The following SLC4A10 variants were observed in gnomAD, a reference collection of about 807,000 sequenced individuals.
SLC4A10 encodes the protein sodium-driven chloride bicarbonate exchanger.
SLC4A10 carries 42 observed loss-of-function variants against 137.7 expected under a neutral mutation model. The observed-to-expected ratio is 0.30, with a 90% CI of 0.24 to 0.39. SLC4A10 has a LOEUF of 0.39. Ranked by LOEUF, SLC4A10 falls within the 10% of genes least tolerant of loss-of-function variation. The pLI is 1.00. For missense variants in SLC4A10, 925 were observed against 1,355.0 expected (o/e 0.68, Z 4.98); for synonymous variants, 474 against 464.1 (o/e 1.02, Z -0.27).
intron 3 of SLC4A10, among the ~76,000 whole-genome samples, chr2:161,818,265 G>A (rs142047865): frequency 0.012 from 1,797 of 152,222 alleles, 43 homozygotes; most frequent in African/African-American, 0.042. Flanking sequence ...GTTCATTCAT[G>A]ATTTGGCTCT....
chr2:161,886,809 T>C (rs1006569226), intron 10 of SLC4A10, among the ~76,000 whole-genome samples: 13 of 152,136 alleles, frequency 8.5e-5, no homozygotes, highest in Non-Finnish European at 1.8e-4. Context: ...TTTTTTTGTA[T>C]ACTTTAAGTT....
intron 1 of SLC4A10, among the ~76,000 whole-genome samples, chr2:161,741,564 A>C (rs928207137): frequency 6.6e-6 from 1 of 152,146 alleles, no homozygotes; most frequent in Non-Finnish European, 1.5e-5. Context: ...AAGATTCTAC[A>C]TTTAAGTGTA....
intron 1 of SLC4A10, among the ~76,000 whole-genome samples, chr2:161,760,416 A>C (rs2050138552): frequency 6.6e-6 from 1 of 152,030 alleles, no homozygotes; most frequent in Admixed American, 6.6e-5. Context: ...CTACTTTTTT[A>C]CATCAGGATT....
At chr2:161,887,254 G>A (rs1207459094) in intron 10 of SLC4A10, among the ~76,000 whole-genome samples, 9 of 151,914 alleles carry the variant, frequency 5.9e-5, no homozygotes, top group African/African-American at 9.7e-5. Flanking sequence ...ATAAATATAC[G>A]CAGTAGTACG....
At chr2:161,808,124 G>C (rs1263048236) in intron 3 of SLC4A10, among the ~76,000 whole-genome samples, 1 of 151,382 alleles carries the variant, frequency 6.6e-6, no homozygotes, top group Non-Finnish European at 1.5e-5. Flanking sequence ...TGCTTTTCTT[G>C]GTTGATATTT....
chr2:161,901,206 C>T (rs748419240), intron 12 of SLC4A10, 195 bp downstream of exon 12: 46 of 543,388 alleles, frequency 8.5e-5, no homozygotes, highest in South Asian at 1.1e-4. Flanking sequence ...ACAGTGGATA[C>T]ACCCTTCCAT....
chr2:161,767,176 ATATGTGTGTG>A (rs1425756926), intron 1 of SLC4A10, among the ~76,000 whole-genome samples: 11 of 30,508 alleles, frequency 3.6e-4, no homozygotes, highest in East Asian at 9.9e-4. Flanking sequence ...TTATTTATAT[ATATGTGTGTG>A]TGTGTGTGTG....
chr2:161,715,794 A>G (rs1401920916), intron 1 of SLC4A10, among the ~76,000 whole-genome samples: 2 of 152,072 alleles, frequency 1.3e-5, no homozygotes, highest in Non-Finnish European at 2.9e-5. Flanking sequence ...TAGTGCTGCA[A>G]TGAATATACG....
chr2:161,784,206 G>A lies in SLC4A10; in HGVS notation c.130+13152G>A, dbSNP rs531301140. On this transcript the variant is annotated intron_variant, in intron 2 of 26. Coordinates refer to ENST00000446997, the MANE Select transcript of SLC4A10 (RefSeq NM_001178015.2). ...ATATATAACAATTGTAAGTAGTTAT[G>A]CACCCAACAATTAAGCACCTAAACA... is the stretch of plus-strand genomic sequence containing the variant. Among the ~76,000 whole-genome samples, 34 of 151,920 alleles carry A rather than the reference G, an allele frequency of 2.2e-4. 2 individuals are homozygous for A. The South Asian group carries it at 5.8e-3, about 26-fold the overall frequency.
chr2:161,972,456 C>G (rs186420077), intron 23 of SLC4A10, among the ~76,000 whole-genome samples: 1 of 152,156 alleles, frequency 6.6e-6, no homozygotes, highest in Non-Finnish European at 1.5e-5. Context: ...TGCTAAAATG[C>G]TTGAATGAGT....
chr2:161,802,009 A>G (rs774741611), intron 2 of SLC4A10, among the ~76,000 whole-genome samples: 21 of 152,198 alleles, frequency 1.4e-4, no homozygotes, highest in Admixed American at 2.6e-4. Flanking sequence ...CCAGACACAT[A>G]TATGTATTAA....
intron 4 of SLC4A10, among the ~76,000 whole-genome samples, chr2:161,852,595 C>T (rs1388042123): frequency 2.0e-5 from 3 of 152,090 alleles, no homozygotes; most frequent in Non-Finnish European, 4.4e-5. Context: ...GAACAAAGAA[C>T]ATTTTGCAAC....
At chr2:161,700,992 T>A (rs911487629) in intron 1 of SLC4A10, among the ~76,000 whole-genome samples, 1 of 152,106 alleles carries the variant, frequency 6.6e-6, no homozygotes, top group African/African-American at 2.4e-5. Context: ...GTAGCAAAAA[T>A]ATATTCAGCA....
chr2:161,739,830 A>G (rs543552544), intron 1 of SLC4A10, among the ~76,000 whole-genome samples: 17 of 152,190 alleles, frequency 1.1e-4, no homozygotes, highest in Admixed American at 7.2e-4. Flanking sequence ...CATTTCATGG[A>G]CTCAGGTGGC....
At chr2:161,778,908 T>G (rs1223384857) in intron 2 of SLC4A10, among the ~76,000 whole-genome samples, 2 of 151,988 alleles carry the variant, frequency 1.3e-5, no homozygotes, top group Non-Finnish European at 2.9e-5. Flanking sequence ...GTTTATTTCC[T>G]TTTGGGGCCA....
At chr2:161,637,227 T>TC (rs1263674145) in intron 1 of SLC4A10, among the ~76,000 whole-genome samples, 1 of 151,072 alleles carries the variant, frequency 6.6e-6, no homozygotes, top group African/African-American at 2.4e-5. Flanking sequence ...AGACAGAGTC[T>TC]CACTCTGTTG....
At chr2:161,808,661 T>C (rs1488033668) in intron 3 of SLC4A10, among the ~76,000 whole-genome samples, 1 of 152,164 alleles carries the variant, frequency 6.6e-6, no homozygotes, top group Admixed American at 6.6e-5. Flanking sequence ...AGTGAGAACA[T>C]GCAGTATTTG....
At chr2:161,966,750 CA>C (rs756075108) in intron 23 of SLC4A10, among the ~76,000 whole-genome samples, 1 of 144,928 alleles carries the variant, frequency 6.9e-6, no homozygotes, top group Non-Finnish European at 1.5e-5. Flanking sequence ...AAAAAAAAAA[CA>C]AAAAACTTTG....
intron 11 of SLC4A10, among the ~76,000 whole-genome samples, chr2:161,895,483 G>T (rs533508628): frequency 1.3e-5 from 2 of 152,058 alleles, no homozygotes; most frequent in African/African-American, 4.8e-5. Flanking sequence ...CTGAGGAATC[G>T]CCACACTGAC....
Sources: gnomAD v4.1 joint callset for allele counts (sites outside exome capture counted in the v4.1 genomes callset) on GRCh38, gnomAD v4.1.1 for gene constraint, MANE v1.5 for transcripts, NCBI Gene and HGNC (gene_info 2026-07-23, HGNC 2026-07-21) for gene names.